The following LGMN variants were observed in gnomAD, a reference collection of about 807,000 sequenced individuals.
LGMN encodes the protein asparaginyl endopeptidase.
LGMN carries 36 observed loss-of-function variants against 56.8 expected under a neutral mutation model. The ratio of observed to expected loss-of-function variants is 0.63; its 90% CI spans 0.49 to 0.84. The LOEUF (loss-of-function observed/expected upper bound fraction) is 0.84, where lower values mean the gene tolerates loss of function less well. LGMN is among the 40% of genes least tolerant of loss of function. The pLI, the probability that LGMN is intolerant of heterozygous loss-of-function variation, is 0.00. For missense variants in LGMN, 446 were observed against 556.1 expected (o/e 0.80, Z 1.99); for synonymous variants, 199 against 210.1 (o/e 0.95, Z 0.46).
intron 1 of LGMN, chr14:92,742,914 G>A (rs1308919372): frequency 6.6e-6 from 1 of 151,848 alleles, no homozygotes; most frequent in Non-Finnish European, 1.5e-5. Flanking sequence ...CATACCTGTG[G>A]TCCCAGCTAC....
At chr14:92,704,579 G>T in intron 13 of LGMN, 61 bp downstream of exon 13, 1 of 1,384,844 alleles carries the variant, frequency 7.2e-7, no homozygotes, top group Non-Finnish European at 1.0e-6. Flanking sequence ...GAAGAGGATG[G>T]CAGCCCCTTC....
intron 2 of LGMN, among the ~76,000 whole-genome samples, chr14:92,729,445 T>C (rs1203506130): frequency 8.8e-6 from 1 of 113,278 alleles, no homozygotes; most frequent in Non-Finnish European, 1.7e-5. Context: ...CAGAATGTCC[T>C]GCCCACATCA....
Position 92,703,825 on chromosome 14 carries a change from A to C in LGMN, c.*494T>G, listed in dbSNP as rs1439947178. The C allele has an allele frequency of 3.1e-6, 1 of 319,906 alleles. No homozygotes were observed. Among genetic ancestry groups the C allele is most frequent in the African/African-American group, 2.2e-5 (1 of 44,458 alleles). The allele number at this position is 319,906 out of a possible 1,614,324, so 19.8% of individuals were successfully genotyped here. A position where few individuals can be genotyped will look rare whatever the true frequency, so the allele number is the denominator to read the frequency against. On this transcript the variant is annotated 3_prime_UTR_variant, in exon 14 of 14. Coordinates refer to ENST00000334869, the MANE Select transcript of LGMN (RefSeq NM_005606.7). ...ACGTGAATATTTGGGTTCTGTTATA[A>C]ATCTTTATTTTTTAAGACTTGAACA...
intron 1 of LGMN, among the ~76,000 whole-genome samples, chr14:92,735,459 G>A (rs974571784): frequency 6.6e-6 from 1 of 152,006 alleles, no homozygotes; most frequent in Non-Finnish European, 1.5e-5. Context: ...TGCCCATCTC[G>A]GCCTCCCAAA....
chr14:92,706,492 G>C lies in LGMN; in HGVS notation c.1182C>G (p.His394Gln), dbSNP rs1170217393. Reference sequence around the variant, plus strand: ...GAGCCTGCTGGCTCACCGTGGGGGAGTGCCAGTTGAAGCAGTGGGTCCGGA... The same window carrying C: ...GAGCCTGCTGGCTCACCGTGGGGGACTGCCAGTTGAAGCAGTGGGTCCGGA... Reference protein sequence around the residue: ...LHFRTHCFNWHSPTYEYALRH... With the variant: ...LHFRTHCFNWQSPTYEYALRH... The change falls in exon 12 of 14, where the codon CAC becomes CAG. Residue 394 changes from histidine (H) to glutamine (Q), a missense_variant. Coordinates refer to ENST00000334869, the MANE Select transcript of LGMN (RefSeq NM_005606.7). The C allele has an allele frequency of 6.4e-7, 1 of 1,550,756 alleles. No homozygotes were observed. The highest frequency in any genetic ancestry group is 8.8e-7 in the Non-Finnish European group (1 of 1,136,884).
chr14:92,725,043 C>G (rs1057448513), intron 2 of LGMN, among the ~76,000 whole-genome samples: 3 of 152,158 alleles, frequency 2.0e-5, no homozygotes, highest in Non-Finnish European at 4.4e-5. Flanking sequence ...GTAGTTTGTT[C>G]AAACTTACAC....
intron 12 of LGMN, 164 bp from the exon 13 acceptor site, chr14:92,704,871 G>A (rs978011911): frequency 2.1e-5 from 13 of 616,436 alleles, no homozygotes; most frequent in Middle Eastern, 2.6e-4. Context: ...ATTTATGGAC[G>A]ATCCCTCAGG....
intron 2 of LGMN, among the ~76,000 whole-genome samples, chr14:92,719,156 C>CCACCACCACCACCACCACCA (rs1566923582): frequency 1.3e-5 from 1 of 79,710 alleles, no homozygotes; most frequent in African/African-American, 7.8e-5. Context: ...ACCACCGCCA[C>CCACCACCACCACCACCACCA]TGCCACCACC....
chr14:92,734,769 A>T (rs1346497224), intron 1 of LGMN, among the ~76,000 whole-genome samples: 1 of 152,230 alleles, frequency 6.6e-6, no homozygotes, highest in East Asian at 1.9e-4. Flanking sequence ...CCTCCGCGAT[A>T]AGAAGAAAAA....
chr14:92,722,264 T>G (rs1890513653), intron 2 of LGMN, among the ~76,000 whole-genome samples: 1 of 152,124 alleles, frequency 6.6e-6, no homozygotes, highest in African/African-American at 2.4e-5. Context: ...ATTATTTGTC[T>G]GCCATTTAAT....
rs868704452 is a variant in LGMN at position 92,719,263 on chromosome 14, A to G, written c.139-419T>C. Reference sequence around the variant, plus strand: ...CACCACCGCCACCACCACCACCGCCACCGCCGCCGCCGCCACCGCCGCCGC... The same window carrying G: ...CACCACCGCCACCACCACCACCGCCGCCGCCGCCGCCGCCACCGCCGCCGC... On this transcript the variant is annotated intron_variant, in intron 2 of 13. Coordinates refer to ENST00000334869, the MANE Select transcript of LGMN (RefSeq NM_005606.7). Among the ~76,000 whole-genome samples the G allele has an allele frequency of 9.7e-3, 634 of 65,062 alleles. 42 individuals are homozygous for G. In the East Asian group the frequency reaches 0.13, roughly 13 times the overall value. The allele number at this position is 65,062 out of a possible 152,430, so 42.7% of individuals were successfully genotyped here. A position where few individuals can be genotyped will look rare whatever the true frequency, so the allele number is the denominator to read the frequency against.
chr14:92,719,278 ACCGCCGCCGCCGCCGCCGCCG>A (rs1225678781), intron 2 of LGMN, among the ~76,000 whole-genome samples: 3 of 55,208 alleles, frequency 5.4e-5, no homozygotes, highest in Admixed American at 2.0e-4. Flanking sequence ...CGCCGCCGCC[ACCGCCGCCGCCGCCGCCGCCG>A]CCACCGCCGC....
rs193188128 is a variant in LGMN, at chr14:92,712,748, G to A, written c.610+57C>T. 2.9e-3 allele frequency: 4,419 copies of A among 1,501,080 alleles called. 9 individuals are homozygous for A. Among genetic ancestry groups the A allele is most frequent in the Non-Finnish European group, 3.7e-3 (3,972 of 1,083,320 alleles). 93.0% of individuals were successfully genotyped at this position (1,501,080 alleles called of 1,614,324 possible). A position where few individuals can be genotyped will look rare whatever the true frequency, so the allele number is the denominator to read the frequency against. On this transcript the variant is annotated intron_variant, in intron 8 of 13. Coordinates refer to ENST00000334869, the MANE Select transcript of LGMN (RefSeq NM_005606.7). ...GGAGAATGCTCAGTTCCATGTCAGC[G>A]GTGTCTGAGCAACCTGCTTGCCAGC... is the stretch of plus-strand genomic sequence containing the variant.
chr14:92,736,638 A>G (rs529702951), intron 1 of LGMN, among the ~76,000 whole-genome samples: 3 of 152,234 alleles, frequency 2.0e-5, no homozygotes, highest in African/African-American at 7.2e-5. Context: ...TTAAACTAAA[A>G]ATGCTTTTGT....
intron 6 of LGMN, 54 bp from the exon 7 acceptor site, chr14:92,713,939 A>T: frequency 7.6e-7 from 1 of 1,316,098 alleles, no homozygotes; most frequent in Non-Finnish European, 1.1e-6. Flanking sequence ...TATTTGCTGG[A>T]TAAGCCACTA....
At chr14:92,723,845 A>C (rs115713835) in intron 2 of LGMN, among the ~76,000 whole-genome samples, 2,900 of 151,746 alleles carry the variant, frequency 0.019, 107 homozygotes, top group African/African-American at 0.066. Context: ...GATTCTTGAA[A>C]CTCAGCCTCC....
At position 92,714,020 on chromosome 14, in the gene LGMN, AC is replaced by A; in HGVS notation, c.481-136del. On this transcript the variant is annotated intron_variant, in intron 6 of 13. Coordinates refer to ENST00000334869, the MANE Select transcript of LGMN (RefSeq NM_005606.7). This position sits in a 1 kb window ranked among gnomAD's most constrained non-coding sequence, Gnocchi z 5.1. Reference sequence around the variant, plus strand: ...AGAAGTAATCATGGTGAAGAACATAACCCCAGAATGTCGTCACATGTTTTAT... The same window carrying A: ...AGAAGTAATCATGGTGAAGAACATAACCCAGAATGTCGTCACATGTTTTAT... 2 of 741,130 alleles carry A rather than the reference AC, an allele frequency of 2.7e-6. No individual in the cohort carries two copies. Among genetic ancestry groups the A allele is most frequent in the Middle Eastern group, 6.6e-4 (2 of 3,022 alleles). The allele number at this position is 741,130 out of a possible 1,614,324, so 45.9% of individuals were successfully genotyped here.
At chr14:92,744,869 C>T (rs1292365668) in intron 1 of LGMN, among the ~76,000 whole-genome samples, 2 of 152,198 alleles carry the variant, frequency 1.3e-5, no homozygotes, top group Admixed American at 1.3e-4. Context: ...GCTGGCATTA[C>T]AGGTGTGAGC....
intron 3 of LGMN, among the ~76,000 whole-genome samples, chr14:92,718,189 G>A (rs61994069): frequency 0.076 from 11,496 of 152,200 alleles, 465 homozygotes; most frequent in South Asian, 0.12. Context: ...AAGGTGAGGA[G>A]GAACTCGGCT....
Sources: gnomAD v4.1 joint callset for allele counts (sites outside exome capture counted in the v4.1 genomes callset) on GRCh38, gnomAD v4.1.1 for gene constraint, Gnocchi (gnomAD v3.1) non-coding constraint, MANE v1.5 for transcripts, NCBI Gene and HGNC (gene_info 2026-07-23, HGNC 2026-07-21) for gene names.